The following MRRF variants were observed in gnomAD, a reference collection of about 807,000 sequenced individuals.
MRRF encodes mitochondrial ribosome recycling factor.
Under a neutral mutation model 25.1 loss-of-function variants are expected in MRRF, and 18 were observed. The ratio of observed to expected loss-of-function variants is 0.72; its 90% confidence interval spans 0.50 to 1.06. The LOEUF is 1.06. MRRF is among the 50% of genes least tolerant of loss of function. MRRF has a pLI of 0.00. For missense variants in MRRF, 323 were observed against 319.3 expected, an observed-to-expected ratio of 1.01 and a Z score of -0.09; for synonymous variants, 113 against 112.1, an observed-to-expected ratio of 1.01 and a Z score of -0.05.
intron 4 of MRRF, among the ~76,000 whole-genome samples, chr9:122,287,223 C>G (rs1833470745): frequency 6.6e-6 from 1 of 152,180 alleles, no homozygotes; most frequent in African/African-American, 2.4e-5. Context: ...TTTCATCTCA[C>G]TTTTACTAGA....
rs541385727 is a variant in MRRF at position 122,301,932 on chromosome 9, C to T, written c.551+10092C>T. 2.0e-4 allele frequency among the ~76,000 whole-genome samples: 30 copies of T among 149,510 alleles called. No homozygotes were observed. The East Asian group carries it at 3.2e-3, about 16-fold the overall frequency. On this transcript the variant is annotated intron_variant, in intron 5 of 6. Coordinates refer to ENST00000344641, the MANE Select transcript of MRRF (RefSeq NM_138777.5). Reference sequence around the variant, plus strand: ...TTTTTTTTTGTATTTTTAGTAGAGACGGGGTTTCACCATGTTGCCTAGGCT... The same window carrying T: ...TTTTTTTTTGTATTTTTAGTAGAGATGGGGTTTCACCATGTTGCCTAGGCT...
Position 122,270,937 on chromosome 9 carries a change from C to G in MRRF, c.46C>G (p.Arg16Gly). 6.2e-7 allele frequency: 1 copy of G among 1,614,170 alleles called. No individual in the cohort carries two copies. The highest frequency in any genetic ancestry group is 8.5e-7 in the Non-Finnish European group (1 of 1,179,998). Residue 16 changes from arginine (R) to glycine (G), a missense_variant, in exon 2 of 7, where the codon CGC becomes GGC. Transcript: ENST00000344641. ...KCFRMVHPTFRNYLAASIRPV... is the reference protein window; with the variant it reads ...KCFRMVHPTFGNYLAASIRPV... ...CTTCCGCATGGTCCACCCTACCTTT[C>G]GCAATTATCTTGCAGCCTCTATCAG...
chr9:122,278,933 A>G (rs1044913512), intron 2 of MRRF, among the ~76,000 whole-genome samples: 1 of 151,646 alleles, frequency 6.6e-6, no homozygotes, highest in African/African-American at 2.4e-5. Context: ...GTGCAGTGGC[A>G]CTGATCTCGG....
chr9:122,320,450 A>G (rs886319028), intron 6 of MRRF, among the ~76,000 whole-genome samples: 3 of 152,112 alleles, frequency 2.0e-5, no homozygotes, highest in Admixed American at 2.0e-4. Context: ...ATTTTTCCAG[A>G]GGAGGCTTTT....
chr9:122,317,352 A>G (rs1835597488), intron 6 of MRRF, among the ~76,000 whole-genome samples: 1 of 152,064 alleles, frequency 6.6e-6, no homozygotes, highest in South Asian at 2.1e-4. Flanking sequence ...GTATAAATCC[A>G]TACGACCTTT....
intron 6 of MRRF, among the ~76,000 whole-genome samples, chr9:122,314,271 C>T (rs920150926): frequency 1.3e-5 from 2 of 151,930 alleles, no homozygotes; most frequent in Non-Finnish European, 2.9e-5. Flanking sequence ...TGCTTTATAT[C>T]TCTCAATCTT....
At chr9:122,286,176 TC>T in intron 4 of MRRF, 1 of 1,288,140 alleles carries the variant, frequency 7.8e-7, no homozygotes, top group South Asian at 1.2e-5. Flanking sequence ...GGTGAAGGAA[TC>T]CTCCTGTTCT....
rs755809659 is a variant in MRRF at position 122,280,535 on chromosome 9, A to C, written c.277A>C (p.Lys93Gln). 2 of 1,613,978 alleles carry C rather than the reference A, an allele frequency of 1.2e-6. No individual in the cohort carries two copies. Among genetic ancestry groups the C allele is most frequent in the Admixed American group, 1.7e-5 (1 of 60,030 alleles). Residue 93 changes from lysine to glutamine, a missense_variant, in exon 3 of 7, where the codon AAG (lysine) becomes CAG (glutamine). Lys to Gln is a moderately conservative substitution (Grantham distance 53, BLOSUM62 1). Transcript: ENST00000344641. ...INLEEVNEEM[K>Q]SVIEALKDNF... ...CTTGGAAGAGGTGAATGAAGAAATG[A>C]AGTCTGTGATAGAAGCTCTCAAGGA...
intron 5 of MRRF, among the ~76,000 whole-genome samples, chr9:122,302,539 A>C (rs1398488786): frequency 2.0e-5 from 3 of 152,120 alleles, no homozygotes; most frequent in Non-Finnish European, 4.4e-5. Flanking sequence ...TCAGTACTTC[A>C]TTCTTTCTTA....
chr9:122,315,086 G>C (rs925105336), intron 6 of MRRF, among the ~76,000 whole-genome samples: 1 of 108,382 alleles, frequency 9.2e-6, no homozygotes, highest in Non-Finnish European at 1.9e-5. Context: ...ACAGTCACCT[G>C]GGGGGGGGAA....
chr9:122,267,315 A>G (rs1832177436), intron 1 of MRRF, among the ~76,000 whole-genome samples: 1 of 149,874 alleles, frequency 6.7e-6, no homozygotes. Context: ...TGGAAGGCAT[A>G]GGTTGCAGTG....
In MRRF at chr9:122,326,392, T is replaced by C. The variant is rs1484196935; in HGVS notation, c.*3775T>C. On this transcript the variant is annotated 3_prime_UTR_variant, in exon 7 of 7. Coordinates refer to ENST00000344641, the MANE Select transcript of MRRF (RefSeq NM_138777.5). Reference sequence around the variant, plus strand: ...TCCCAAATTGCTGGGATTACAGGCATGAACCACTGCGCCCGGCCATATAAT... The same window carrying C: ...TCCCAAATTGCTGGGATTACAGGCACGAACCACTGCGCCCGGCCATATAAT... 1 of 152,160 alleles carries C rather than the reference T, an allele frequency of 6.6e-6. No individual in the cohort carries two copies. The highest frequency in any genetic ancestry group is 1.5e-5 in the Non-Finnish European group (1 of 68,030). The allele number at this position is 152,160 out of a possible 1,614,324, so 9.4% of individuals were successfully genotyped here. A position where few individuals can be genotyped will look rare whatever the true frequency, so the allele number is the denominator to read the frequency against.
At chr9:122,321,602 A>G (rs1239296951) in intron 6 of MRRF, among the ~76,000 whole-genome samples, 3 of 152,220 alleles carry the variant, frequency 2.0e-5, no homozygotes, top group African/African-American at 7.2e-5. Flanking sequence ...CCATTTCATC[A>G]TAGCTTGCTG....
At chr9:122,307,708 C>G (rs1038400894) in intron 5 of MRRF, among the ~76,000 whole-genome samples, 1 of 152,168 alleles carries the variant, frequency 6.6e-6, no homozygotes, top group Non-Finnish European at 1.5e-5. Flanking sequence ...TTTGGAGAGG[C>G]TGAATAGCAT....
chr9:122,301,239 C>T (rs1434350278), intron 5 of MRRF, among the ~76,000 whole-genome samples: 1 of 152,162 alleles, frequency 6.6e-6, no homozygotes, highest in African/African-American at 2.4e-5. Flanking sequence ...CCCGCCGTCC[C>T]TCATATGCTG....
At chr9:122,313,950 C>A (rs942963519) in intron 6 of MRRF, among the ~76,000 whole-genome samples, 1 of 152,070 alleles carries the variant, frequency 6.6e-6, no homozygotes, top group South Asian at 2.1e-4. Flanking sequence ...CAGTTAAGAT[C>A]ATTGGGGTTT....
Position 122,322,541 on chromosome 9 carries a change from T to A in MRRF, c.713T>A (p.Ile238Asn), listed in dbSNP as rs772661488. ...EDTIRLIEKQISQMADDTVAE... is the reference protein window; with the variant it reads ...EDTIRLIEKQNSQMADDTVAE... ...CTGTCTCATTTTGTGTTCTTGCAGA[T>A]CAGCCAAATGGCCGATGACACAGTG... Residue 238 changes from isoleucine to asparagine, a missense_variant and splice_region_variant, in exon 7 of 7, where the codon ATC becomes AAC. Ile to Asn is a moderately radical substitution (Grantham distance 149, BLOSUM62 -3). Transcript: ENST00000344641. 1 of 1,614,138 alleles carries A rather than the reference T, an allele frequency of 6.2e-7. No individual in the cohort carries two copies. Among genetic ancestry groups the A allele is most frequent in the South Asian group, 1.1e-5 (1 of 91,072 alleles).
chr9:122,315,475 A>C (rs1360796596), intron 6 of MRRF, among the ~76,000 whole-genome samples: 1 of 152,180 alleles, frequency 6.6e-6, no homozygotes, highest in Non-Finnish European at 1.5e-5. Flanking sequence ...TTCTGTAAAA[A>C]GGGATTGGTA....
chr9:122,271,751 G>C (rs753759720), intron 2 of MRRF, among the ~76,000 whole-genome samples: 1 of 152,164 alleles, frequency 6.6e-6, no homozygotes, highest in African/African-American at 2.4e-5. Context: ...TTCTTATTTA[G>C]CACCTAACAG....
Sources: allele counts gnomAD v4.1 joint callset (sites outside exome capture counted in the v4.1 genomes callset), GRCh38; gene constraint gnomAD v4.1.1; transcripts MANE v1.5; gene names NCBI Gene and HGNC (gene_info 2026-07-23, HGNC 2026-07-21).